ZNF577: variants seen among roughly 807,000 people sequenced by gnomAD.
ZNF577 encodes the protein zinc finger protein 577.
In ZNF577, 14 loss-of-function variants were observed where a neutral mutation model predicts 13.9. That is an observed-to-expected ratio of 1.00 (90% confidence interval 0.66 to 1.57). ZNF577 has a LOEUF of 1.57. ZNF577 is among the 40% of genes most tolerant of loss of function. The pLI is 0.00. For missense variants in ZNF577, 555 were observed against 579.2 expected (o/e 0.96, Z 0.43); for synonymous variants, 203 against 202.9 (o/e 1.00, Z 0.00).
rs2084676373 is a variant in ZNF577 at position 51,872,566 on chromosome 19, T to C, written c.1424A>G (p.Tyr475Cys). 2 of 1,606,188 alleles carry C rather than the reference T, an allele frequency of 1.2e-6. No individual in the cohort carries two copies. Among genetic ancestry groups the C allele is most frequent in the Non-Finnish European group, 1.7e-6 (2 of 1,176,948 alleles). ...TACAATATCTGTAAGATACAAGATA[T>C]AATTTATTACTGATGGGGCCACATT... is the stretch of plus-strand genomic sequence containing the variant. ...EVNVAPSVIN[Y>C]ILYLTDIVSE Residue 475 changes from tyrosine (Y) to cysteine (C), a missense_variant, in exon 6 of 6, where the codon TAT becomes TGT. Transcript: ENST00000638348.
Position 51,869,656 on chromosome 19 carries a change from C to CA in ZNF577, c.*2875_*2876insT, listed in dbSNP as rs1491267762. Among the ~76,000 whole-genome samples, 1 of 152,162 alleles carries CA rather than the reference C, an allele frequency of 6.6e-6. No homozygotes were observed. The highest frequency in any genetic ancestry group is 1.5e-5 in the Non-Finnish European group (1 of 68,036). On this transcript the variant is annotated 3_prime_UTR_variant, in exon 6 of 6. Coordinates refer to ENST00000638348, the MANE Select transcript of ZNF577 (RefSeq NM_001370449.1). ...TTCTTTTCTCAGTCTCTCGTCCCCC[C>CA]TGACGAGAAACACCCACAGGTGTGG...
At chr19:51,822,918 A>AGT (rs1199698980) in intron 9 of ZNF577, among the ~76,000 whole-genome samples, 1 of 152,134 alleles carries the variant, frequency 6.6e-6, no homozygotes, top group Non-Finnish European at 1.5e-5. Context: ...ACTGAAGTGC[A>AGT]GTGGCACGAT....
chr19:51,823,201 G>A (rs1258430058), intron 9 of ZNF577, among the ~76,000 whole-genome samples: 2 of 152,182 alleles, frequency 1.3e-5, no homozygotes, highest in Non-Finnish European at 2.9e-5. Flanking sequence ...ACAAGTAATG[G>A]TTCAAAATCC....
chr19:51,810,349 C>T (rs866078435), intron 10 of ZNF577, among the ~76,000 whole-genome samples: 4 of 152,114 alleles, frequency 2.6e-5, no homozygotes, highest in Non-Finnish European at 4.4e-5. Flanking sequence ...TTTCTGCAGC[C>T]GTGGTATGAG....
intron 5 of ZNF577, among the ~76,000 whole-genome samples, chr19:51,857,350 G>C (rs374859947): frequency 9.7e-4 from 82 of 84,586 alleles, no homozygotes; most frequent in South Asian, 2.0e-3. Context: ...AAGAAAGAGA[G>C]AAAGAAAGAA....
rs193291782 is a variant in ZNF577 at position 51,813,824 on chromosome 19, G to A, written c.*600-2150C>T. Among the ~76,000 whole-genome samples, 225 of 152,216 alleles carry A rather than the reference G, an allele frequency of 1.5e-3. 1 individual carries two copies. Among genetic ancestry groups the A allele is most frequent in the Non-Finnish European group, 3.2e-4 (22 of 68,006 alleles). On this transcript the variant is annotated intron_variant and NMD_transcript_variant, in intron 9 of 10. Coordinates refer to the ZNF577 transcript ENST00000638827. ...GCTGGGATTACAGGCATAAGCCACC[G>A]CAGCTGGCCGATGTTTTCCTCCTTT...
At chr19:51,844,587 G>A (rs2084340201) in intron 6 of ZNF577, among the ~76,000 whole-genome samples, 2 of 152,118 alleles carry the variant, frequency 1.3e-5, no homozygotes, top group South Asian at 2.1e-4. Flanking sequence ...AGGACCCTAC[G>A]ACATGGAGAT....
At chr19:51,811,128 G>C (rs923994930) in intron 10 of ZNF577, among the ~76,000 whole-genome samples, 1 of 152,158 alleles carries the variant, frequency 6.6e-6, no homozygotes, top group Non-Finnish European at 1.5e-5. Flanking sequence ...AGGAGATAAT[G>C]GCAGAAGTAC....
At chr19:51,833,217 T>C (rs2122522211) in intron 9 of ZNF577, among the ~76,000 whole-genome samples, 1 of 152,150 alleles carries the variant, frequency 6.6e-6, no homozygotes, top group South Asian at 2.1e-4. Context: ...TACCTGTGTT[T>C]CCCCTCCTAC....
intron 5 of ZNF577, among the ~76,000 whole-genome samples, chr19:51,856,631 T>C (rs1366431331): frequency 1.3e-5 from 2 of 152,224 alleles, no homozygotes; most frequent in Middle Eastern, 3.2e-3. Flanking sequence ...CTTTCTTAAG[T>C]GAATAACCAG....
At chr19:51,852,123 C>T (rs956071890) in intron 5 of ZNF577, among the ~76,000 whole-genome samples, 1 of 152,232 alleles carries the variant, frequency 6.6e-6, no homozygotes, top group Non-Finnish European at 1.5e-5. Context: ...TGCGCAGACT[C>T]AGTAGAAACT....
Position 51,867,552 on chromosome 19 carries a change from A to C in ZNF577, c.*4980T>G, listed in dbSNP as rs2084584132. Among the ~76,000 whole-genome samples the C allele has an allele frequency of 6.6e-6, 1 of 151,492 alleles. No individual in the cohort carries two copies. Among genetic ancestry groups the C allele is most frequent in the Non-Finnish European group, 1.5e-5 (1 of 67,884 alleles). Reference sequence around the variant, plus strand: ...CACTTTGGGAGGCTGAGGTGGGCGGATCACAAGGTCAGGAGTTCGAGACCA... The same window carrying C: ...CACTTTGGGAGGCTGAGGTGGGCGGCTCACAAGGTCAGGAGTTCGAGACCA... On this transcript the variant is annotated 3_prime_UTR_variant, in exon 6 of 6. Coordinates refer to ENST00000638348, the MANE Select transcript of ZNF577 (RefSeq NM_001370449.1).
Position 51,848,611 on chromosome 19 carries a change from T to C in ZNF577, c.284-3680A>G, listed in dbSNP as rs2122558893. Among the ~76,000 whole-genome samples, 3 of 152,172 alleles carry C rather than the reference T, an allele frequency of 2.0e-5. No individual in the cohort carries two copies. The East Asian group carries it at 5.8e-4, about 29-fold the overall frequency. ...GAGATGGTGAGGGCTTAAGAACTAA[T>C]GTAAAGATGCCTGTGGAGCAGACAC... On this transcript the variant is annotated intron_variant and NMD_transcript_variant, in intron 5 of 10. Transcript: ENST00000638827.
chr19:51,875,460 G>T (rs900644179), intron 5 of ZNF577, among the ~76,000 whole-genome samples: 18 of 151,898 alleles, frequency 1.2e-4, no homozygotes, highest in African/African-American at 4.4e-4. Context: ...CAGCGAAAGA[G>T]GGCAGTATCT....
chr19:51,848,824 A>G (rs1568439634), intron 5 of ZNF577, among the ~76,000 whole-genome samples: 1 of 152,176 alleles, frequency 6.6e-6, no homozygotes, highest in Non-Finnish European at 1.5e-5. Context: ...ATTTGCTAAT[A>G]TTTTGTAAGG....
At position 51,873,461 on chromosome 19, in the gene ZNF577, G is replaced by C; in HGVS notation, c.529C>G (p.Gln177Glu). 1 of 1,614,152 alleles carries C rather than the reference G, an allele frequency of 6.2e-7. No homozygotes were observed. Among genetic ancestry groups the C allele is most frequent in the Non-Finnish European group, 8.5e-7 (1 of 1,180,016 alleles). ...FSRKAQLIQH[Q>E]RTERGEKPHG... is the part of the protein sequence containing the mutation. ...GGTTTCTCTCCTCTTTCAGTTCTCT[G>C]ATGTTGAATAAGCTGTGCTTTCCTG... Residue 177 changes from glutamine (Q) to glutamate (E), a missense_variant, in exon 6 of 6, where the codon CAG becomes GAG. Physicochemically the swap from Gln to Glu is conservative, Grantham distance 29. Transcript: ENST00000638348.
chr19:51,872,228 CTA>C lies in ZNF577; in HGVS notation c.*302_*303del. The C allele has an allele frequency of 4.4e-6, 1 of 227,502 alleles. No homozygotes were observed. Among genetic ancestry groups the C allele is most frequent in the Non-Finnish European group, 8.5e-6 (1 of 117,068 alleles). The allele number at this position is 227,502 out of a possible 1,614,324, so 14.1% of individuals were successfully genotyped here. A position where few individuals can be genotyped will look rare whatever the true frequency, so the allele number is the denominator to read the frequency against. On this transcript the variant is annotated 3_prime_UTR_variant, in exon 6 of 6. Coordinates refer to ENST00000638348, the MANE Select transcript of ZNF577 (RefSeq NM_001370449.1). ...CCATATCCATTGCCTCTACAGTTGT[CTA>C]TGTTTCTTTGGCACACGAGGCACAA...
intron 7 of ZNF577, chr19:51,842,918 C>G (rs2084328970): frequency 6.6e-6 from 1 of 152,160 alleles, no homozygotes; most frequent in African/African-American, 2.4e-5. Flanking sequence ...GACAACCTGT[C>G]AAGAGGTAAT....
Position 51,868,704 on chromosome 19 carries a change from T to C in ZNF577, c.*3828A>G, listed in dbSNP as rs543901923. Among the ~76,000 whole-genome samples, 11,625 of 120,234 alleles carry C rather than the reference T, an allele frequency of 0.097. 538 individuals carry two copies. The highest frequency in any genetic ancestry group is 0.12 in the Middle Eastern group (27 of 216). The allele number at this position is 120,234 out of a possible 152,430, so 78.9% of individuals were successfully genotyped here. ...TGAACACCCAGATAGAATTCACTCA[T>C]GTGTGTGGGGGAAAGAAAGATAGAT... On this transcript the variant is annotated 3_prime_UTR_variant, in exon 6 of 6. Transcript: ENST00000638348.
Sources: gnomAD v4.1 joint callset for allele counts (sites outside exome capture counted in the v4.1 genomes callset) on GRCh38, gnomAD v4.1.1 for gene constraint, MANE v1.5 for transcripts, NCBI Gene and HGNC (gene_info 2026-07-23, HGNC 2026-07-21) for gene names.